TCF7L2: variants seen among roughly 807,000 people sequenced by gnomAD.
The protein encoded by TCF7L2 is transcription factor 7-like 2.
A neutral mutation model predicts 77.9 loss-of-function variants in TCF7L2; 23 were observed. The ratio of observed to expected loss-of-function variants is 0.30; its 90% CI spans 0.21 to 0.42. TCF7L2 has a LOEUF of 0.42. Ranked by LOEUF, TCF7L2 falls within the 10% of genes least tolerant of loss-of-function variation. TCF7L2 has a pLI of 1.00. For synonymous variants in TCF7L2, 413 were observed against 340.2 expected (o/e 1.21, Z -2.36); for missense variants, 654 against 793.1 (o/e 0.82, Z 2.11).
intron 5 of TCF7L2, among the ~76,000 whole-genome samples, chr10:113,076,098 T>G (rs888775314): frequency 7.4e-6 from 1 of 136,030 alleles, no homozygotes. Context: ...ATCACGCCAC[T>G]GCACTCCAGC....
chr10:113,155,032 A>G (rs1333865002), intron 11 of TCF7L2, among the ~76,000 whole-genome samples: 3 of 147,878 alleles, frequency 2.0e-5, no homozygotes, highest in Non-Finnish European at 4.5e-5. Flanking sequence ...TCCATATATT[A>G]CTTTGGTCAT....
chr10:113,153,501 G>A (rs1306791612), intron 11 of TCF7L2, among the ~76,000 whole-genome samples: 1 of 152,228 alleles, frequency 6.6e-6, no homozygotes, highest in African/African-American at 2.4e-5. Flanking sequence ...ATCATCCGCG[G>A]TGAAGCAGCT....
At chr10:112,959,170 C>CTT (rs34886366) in intron 3 of TCF7L2, among the ~76,000 whole-genome samples, 58 of 149,180 alleles carry the variant, frequency 3.9e-4, no homozygotes, top group East Asian at 1.6e-3. Flanking sequence ...TCAAGCTCAA[C>CTT]TTTTTTTTTT....
chr10:113,093,722 A>G (rs774923796), intron 5 of TCF7L2, among the ~76,000 whole-genome samples: 11 of 152,164 alleles, frequency 7.2e-5, no homozygotes, highest in Non-Finnish European at 1.6e-4. Context: ...TGTACATTTT[A>G]AAGCTCGCCA....
At chr10:113,060,120 C>T (rs1031156487) in intron 5 of TCF7L2, among the ~76,000 whole-genome samples, 1 of 152,134 alleles carries the variant, frequency 6.6e-6, no homozygotes, top group Admixed American at 6.5e-5. Context: ...TCAGAATGCT[C>T]AGATAGAACA....
rs142088508 is a variant in TCF7L2, at chr10:113,121,952, C to T, written c.553-19232C>T. On this transcript the variant is annotated intron_variant, in intron 5 of 13. Transcript: ENST00000627217. Reference sequence around the variant, plus strand: ...TCCATTAGTTTCTTCCTGTAATACACGGATTCGGAACAACAGTAACACAAT... The same window carrying T: ...TCCATTAGTTTCTTCCTGTAATACATGGATTCGGAACAACAGTAACACAAT... Among the ~76,000 whole-genome samples the T allele has an allele frequency of 2.3e-3, 345 of 152,318 alleles. 1 individual carries two copies. The highest frequency in any genetic ancestry group is 7.8e-3 in the African/African-American group (323 of 41,568).
chr10:113,142,474 G>C (rs1005120362), intron 6 of TCF7L2, among the ~76,000 whole-genome samples: 8 of 152,234 alleles, frequency 5.3e-5, no homozygotes, highest in Admixed American at 3.9e-4. Context: ...AGGCTACCCA[G>C]TGTGTTGGTA....
intron 5 of TCF7L2, among the ~76,000 whole-genome samples, chr10:113,130,225 T>C (rs2066368561): frequency 6.6e-6 from 1 of 152,080 alleles, no homozygotes; most frequent in African/African-American, 2.4e-5. Flanking sequence ...AGGAGAGAAG[T>C]CTCACTTTCA....
At chr10:113,028,970 G>A (rs115136469) in intron 4 of TCF7L2, among the ~76,000 whole-genome samples, 2,372 of 152,298 alleles carry the variant, frequency 0.016, 69 homozygotes, top group African/African-American at 0.053. Context: ...TTCTGGCTGT[G>A]AAATCCCCTG....
At chr10:112,966,210 ATT>A (rs1491139208) in intron 4 of TCF7L2, among the ~76,000 whole-genome samples, 5 of 108,616 alleles carry the variant, frequency 4.6e-5, no homozygotes, top group Non-Finnish European at 8.2e-5. Flanking sequence ...ATATATATAT[ATT>A]TTCTTTTCTT....
chr10:113,121,621 T>C (rs1226132274), intron 5 of TCF7L2, among the ~76,000 whole-genome samples: 1 of 152,176 alleles, frequency 6.6e-6, no homozygotes, highest in African/African-American at 2.4e-5. Context: ...TACTACTACC[T>C]AAATTTTATG....
At chr10:113,125,192 A>C (rs1308305779) in intron 5 of TCF7L2, among the ~76,000 whole-genome samples, 2 of 152,030 alleles carry the variant, frequency 1.3e-5, no homozygotes, top group Admixed American at 1.3e-4. Context: ...ATTATCCCAG[A>C]TGGGACGAAT....
chr10:113,115,455 T>C (rs1008941231), intron 5 of TCF7L2, among the ~76,000 whole-genome samples: 7 of 152,236 alleles, frequency 4.6e-5, no homozygotes, highest in Non-Finnish European at 1.5e-5. Context: ...GATCAAATCT[T>C]GTATCGCTTG....
intron 4 of TCF7L2, among the ~76,000 whole-genome samples, chr10:112,997,560 A>G (rs2043703461): frequency 6.6e-6 from 1 of 152,228 alleles, no homozygotes; most frequent in South Asian, 2.1e-4. Flanking sequence ...CTGGGCAGTA[A>G]GCTGTAGAGC....
At chr10:113,158,166 G>C in intron 12 of TCF7L2, 97 bp downstream of exon 12, 1 of 1,344,344 alleles carries the variant, frequency 7.4e-7, no homozygotes, top group South Asian at 1.3e-5. Flanking sequence ...GAAATTCAAG[G>C]CCAGGACATT....
At chr10:113,118,678 G>GT (rs1348117019) in intron 5 of TCF7L2, among the ~76,000 whole-genome samples, 45 of 53,294 alleles carry the variant, frequency 8.4e-4, no homozygotes, top group Non-Finnish European at 1.4e-3. Flanking sequence ...TTTTTTTTTT[G>GT]TTTTTTTTAT....
In TCF7L2 at chr10:113,141,201, G is replaced by T; in HGVS notation, c.570G>T (p.Val190=). ...CCCCACAGTCTAACAAAGTGCCAGTGGTGCAGCACCCTCACCATGTCCACC... is the reference window on the plus strand; with the variant it reads ...CCCCACAGTCTAACAAAGTGCCAGTTGTGCAGCACCCTCACCATGTCCACC... Residue 190 remains valine, a synonymous_variant, in exon 6 of 14, where the codon GTG becomes GTT. Coordinates refer to ENST00000627217, the MANE Select transcript of TCF7L2 (RefSeq NM_001146274.2). 1 of 1,614,084 alleles carries T rather than the reference G, an allele frequency of 6.2e-7. No homozygotes were observed. The highest frequency in any genetic ancestry group is 8.5e-7 in the Non-Finnish European group (1 of 1,180,002).
chr10:113,146,549 C>T (rs1399037602), intron 8 of TCF7L2, among the ~76,000 whole-genome samples: 1 of 151,544 alleles, frequency 6.6e-6, no homozygotes, highest in Admixed American at 6.6e-5. Context: ...TAGCACTGTC[C>T]AATAGAAATA....
intron 4 of TCF7L2, among the ~76,000 whole-genome samples, chr10:112,991,802 C>T (rs972343021): frequency 6.6e-6 from 1 of 152,116 alleles, no homozygotes; most frequent in Non-Finnish European, 1.5e-5. Context: ...GAGTAGGGCA[C>T]GTGGGGCACT....
Sources: allele counts gnomAD v4.1 joint callset (sites outside exome capture counted in the v4.1 genomes callset), GRCh38; gene constraint gnomAD v4.1.1; transcripts MANE v1.5; gene names NCBI Gene and HGNC (gene_info 2026-07-23, HGNC 2026-07-21).